Variants in CPNE7 observed in about 807,000 individuals in gnomAD.
The protein encoded by CPNE7 is copine 7, also known as copine-7.
CPNE7 carries 78 observed loss-of-function variants against 66.5 expected under a neutral mutation model. That is an observed-to-expected ratio of 1.17 (90% CI 0.98 to 1.42). The LOEUF (loss-of-function observed/expected upper bound fraction) is 1.42. Among genes scored for constraint, CPNE7 ranks in the 40% most tolerant of loss-of-function variants. The pLI is 0.00. For missense variants in CPNE7, 1,012 were observed against 776.6 expected, an observed-to-expected ratio of 1.30 and a Z score of -3.60; for synonymous variants, 468 against 336.7, an observed-to-expected ratio of 1.39 and a Z score of -4.27.
At chr16:89,579,260 C>G (rs1194643815) in intron 2 of CPNE7, among the ~76,000 whole-genome samples, 2 of 151,800 alleles carry the variant, frequency 1.3e-5, no homozygotes, top group African/African-American at 4.9e-5. Context: ...CCACTGCACA[C>G]CAGCCCAGGT....
chr16:89,579,824 TCC>T (rs1354146145), intron 2 of CPNE7, among the ~76,000 whole-genome samples: 8 of 44,260 alleles, frequency 1.8e-4, no homozygotes, highest in Admixed American at 8.8e-4. Flanking sequence ...ACACGGAACA[TCC>T]CACACCCATC....
At position 89,584,783 on chromosome 16, in the gene CPNE7, A is replaced by C; in HGVS notation, c.517A>C (p.Ser173Arg). The change falls in exon 5 of 15, where the codon AGC (serine) becomes CGC (arginine). Residue 173 changes from serine to arginine, a missense_variant. Transcript: ENST00000319518. This position sits in a 1 kb window ranked among gnomAD's most constrained non-coding sequence, Gnocchi z 6.0. ...TTGTGCCTCTCCCCAGGACCTCTTC[A>C]GCAAGTCCGACCCCTTCCTGGAGCT... ...ARKLDDKDLF[S>R]KSDPFLELYR... The C allele has an allele frequency of 6.2e-7, 1 of 1,613,452 alleles. No individual in the cohort carries two copies. The highest frequency in any genetic ancestry group is 8.5e-7 in the Non-Finnish European group (1 of 1,179,858).
At position 89,576,087 on chromosome 16, in the gene CPNE7, G is replaced by T; in HGVS notation, c.174+16G>T. The T allele has an allele frequency of 4.0e-6, 5 of 1,249,650 alleles. No homozygotes were observed. The highest frequency in any genetic ancestry group is 5.0e-6 in the Non-Finnish European group (5 of 996,328). 77.4% of individuals were successfully genotyped at this position (1,249,650 alleles called of 1,614,324 possible). ...GTGGGTGCAGGTAGGGCCGGGGCGT[G>T]GGAGGCCGAGAGGCCACCGGGCCGG... is the stretch of plus-strand genomic sequence containing the variant. On this transcript the variant is annotated intron_variant, in intron 1 of 14. Transcript: ENST00000319518.
At chr16:89,587,759 G>GATACACGGCCCC (rs1567960939) in intron 9 of CPNE7, 34 of 43,326 alleles carry the variant, frequency 7.8e-4, no homozygotes, top group Middle Eastern at 0.02. Context: ...CGTGTCACCC[G>GATACACGGCCCC]CGTGTCACCC....
At chr16:89,587,638 ACAGACCCCGTGTCACCCCCATGTCACCCG>A (rs1410998830) in intron 9 of CPNE7, 12 of 447,564 alleles carry the variant, frequency 2.7e-5, no homozygotes, top group South Asian at 4.7e-5. Flanking sequence ...GGAGCCCGGC[ACAGACCCCGTGTCACCCCCATGTCACCCG>A]CAGACCCCGC....
At chr16:89,590,210 T>C (rs112184547) in intron 11 of CPNE7, among the ~76,000 whole-genome samples, 1 of 152,164 alleles carries the variant, frequency 6.6e-6, no homozygotes, top group African/African-American at 2.4e-5. Context: ...TAGTGTGGAA[T>C]CCTCTATTGC....
chr16:89,592,009 T>G (rs1488302865), intron 13 of CPNE7, among the ~76,000 whole-genome samples: 1 of 135,920 alleles, frequency 7.4e-6, no homozygotes, highest in Non-Finnish European at 1.5e-5. Context: ...TTCTTTTTTT[T>G]GTTGTTTTTT....
At chr16:89,586,170 G>A (rs1331612136) in intron 7 of CPNE7, among the ~76,000 whole-genome samples, 1 of 152,238 alleles carries the variant, frequency 6.6e-6, no homozygotes, top group East Asian at 1.9e-4. Flanking sequence ...TGATGGGGTT[G>A]TGGGGAGTGG....
Position 89,584,930 on chromosome 16 carries a change from GGGA to G in CPNE7, c.591+78_591+80del. 1 of 1,341,228 alleles carries G rather than the reference GGGA, an allele frequency of 7.5e-7. No individual in the cohort carries two copies. The highest frequency in any genetic ancestry group is 1.1e-6 in the Non-Finnish European group (1 of 943,648). 83.1% of individuals were successfully genotyped at this position (1,341,228 alleles called of 1,614,324 possible). A position where few individuals can be genotyped will look rare whatever the true frequency, so the allele number is the denominator to read the frequency against. ...AGCCCTCACGCATCTCTGGCCACAT[GGGA>G]GGAGCTCCCAGCCTCCAACAGGGAG... On this transcript the variant is annotated intron_variant, in intron 5 of 14. Coordinates refer to ENST00000319518, the MANE Select transcript of CPNE7 (RefSeq NM_153636.3). This position sits in a 1 kb window ranked among gnomAD's most constrained non-coding sequence, Gnocchi z 6.0.
chr16:89,579,828 A>T (rs1193976501), intron 2 of CPNE7, among the ~76,000 whole-genome samples: 6 of 40,336 alleles, frequency 1.5e-4, no homozygotes, highest in Admixed American at 6.2e-4. Flanking sequence ...GGAACATCCC[A>T]CACCCATCAC....
chr16:89,594,443 G>T (rs567847178), intron 13 of CPNE7, among the ~76,000 whole-genome samples: 1 of 152,162 alleles, frequency 6.6e-6, no homozygotes, highest in Admixed American at 6.5e-5. Flanking sequence ...GCCCCTGTTC[G>T]TTTCCAGGAC....
intron 2 of CPNE7, chr16:89,583,296 G>A (rs960463357): frequency 7.8e-6 from 6 of 766,794 alleles, no homozygotes; most frequent in African/African-American, 5.2e-5. Flanking sequence ...CTCTGCTTCT[G>A]CGGGTTCTCA....
At chr16:89,593,726 T>G (rs1344857214) in intron 13 of CPNE7, among the ~76,000 whole-genome samples, 1 of 152,208 alleles carries the variant, frequency 6.6e-6, no homozygotes, top group Non-Finnish European at 1.5e-5. Flanking sequence ...CAAATACAGA[T>G]TTCAGGAAAT....
At chr16:89,595,836 A>G (rs2151464675) in intron 14 of CPNE7, 1 of 664,148 alleles carries the variant, frequency 1.5e-6, no homozygotes, top group East Asian at 2.9e-5. Flanking sequence ...AAAAGCAGAG[A>G]ACAGCACAAG....
In CPNE7 at chr16:89,584,043, A is replaced by G. The variant is rs774246153; in HGVS notation, c.448A>G (p.Ile150Val). Residue 150 changes from isoleucine (I) to valine (V), a missense_variant, in exon 4 of 15, where the codon ATC becomes GTC. By Grantham distance (29) the Ile-to-Val change is conservative. Transcript: ENST00000319518. The surrounding 1 kb of genome is among the most constrained non-coding windows in gnomAD (Gnocchi z 6.0). ...CCCCTGCCAGGTGATCGCCGAGGAC[A>G]TCTCGGGGAACAACGGCTACGTGGA... ...KSTITVIAED[I>V]SGNNGYVELS... 1.2e-6 allele frequency: 2 copies of G among 1,612,106 alleles called. No individual in the cohort carries two copies. Among genetic ancestry groups the G allele is most frequent in the South Asian group, 1.1e-5 (1 of 91,046 alleles).
At chr16:89,586,358 C>G (rs2059037995) in intron 7 of CPNE7, among the ~76,000 whole-genome samples, 2 of 152,006 alleles carry the variant, frequency 1.3e-5, no homozygotes, top group Admixed American at 1.3e-4. Flanking sequence ...CCTGTGTCTG[C>G]CCAGCCCACA....
intron 7 of CPNE7, 57 bp from the exon 8 acceptor site, chr16:89,586,613 C>A: frequency 6.9e-7 from 1 of 1,439,658 alleles, no homozygotes. Flanking sequence ...GGTAGGGTCT[C>A]CCTGGTAGGT....
At position 89,596,663 on chromosome 16, in the gene CPNE7, C is replaced by T. The variant is rs559415546; in HGVS notation, c.*42C>T. 38 of 1,529,210 alleles carry T rather than the reference C, an allele frequency of 2.5e-5. No individual in the cohort carries two copies. The highest frequency in any genetic ancestry group is 4.6e-4 in the Middle Eastern group (2 of 4,342). The allele number at this position is 1,529,210 out of a possible 1,614,324, so 94.7% of individuals were successfully genotyped here. On this transcript the variant is annotated 3_prime_UTR_variant, in exon 15 of 15. Transcript: ENST00000319518. ...GGGTGGGGGCAGTGAGGAATGGGTC[C>T]GTACAGCCTCTGTCTGCAACATGCT...
intron 5 of CPNE7, among the ~76,000 whole-genome samples, 155 bp downstream of exon 5, chr16:89,585,012 C>T (rs1460928598): frequency 2.6e-5 from 4 of 152,144 alleles, no homozygotes; most frequent in African/African-American, 7.2e-5. Context: ...CAACAGGGAG[C>T]CGCAGGCGCA....
Sources: gnomAD v4.1 joint callset for allele counts (sites outside exome capture counted in the v4.1 genomes callset) on GRCh38, gnomAD v4.1.1 for gene constraint, Gnocchi (gnomAD v3.1) non-coding constraint, MANE v1.5 for transcripts, NCBI Gene and HGNC (gene_info 2026-07-23, HGNC 2026-07-21) for gene names.